TP63: variants seen among roughly 807,000 people sequenced by gnomAD.
The protein encoded by TP63 is tumor protein 63.
In TP63, 17 loss-of-function variants were observed where a neutral mutation model predicts 82.8. The ratio of observed to expected loss-of-function variants is 0.21; its 90% confidence interval spans 0.14 to 0.31. The LOEUF (loss-of-function observed/expected upper bound fraction) is 0.31, where lower values mean the gene tolerates loss of function less well. TP63 is among the 10% of genes least tolerant of loss of function. The pLI is 1.00. For synonymous variants in TP63, 330 were observed against 321.7 expected, an observed-to-expected ratio of 1.03 and a Z score of -0.28; for missense variants, 648 against 895.3, an observed-to-expected ratio of 0.72 and a Z score of 3.52.
At chr3:189,761,463 C>T (rs1222973213) in intron 3 of TP63, among the ~76,000 whole-genome samples, 2 of 152,236 alleles carry the variant, frequency 1.3e-5, no homozygotes, top group African/African-American at 4.8e-5. Flanking sequence ...CAAGAGTCAT[C>T]TTTGCTCCAA....
intron 3 of TP63, among the ~76,000 whole-genome samples, chr3:189,762,226 T>C (rs1007608660): frequency 6.6e-6 from 1 of 152,216 alleles, no homozygotes; most frequent in Non-Finnish European, 1.5e-5. Flanking sequence ...AAAGGCTGCC[T>C]GTTAGGGCCA....
At chr3:189,608,550 G>A in the TP63 span, among the ~76,000 whole-genome samples, 2 of 152,052 alleles carry the variant, frequency 1.3e-5, no homozygotes, top group Admixed American at 6.5e-5. Flanking sequence ...GCAAAAATTT[G>A]TGTAAGTTTT....
At chr3:189,646,895 A>C (rs1712464907) in intron 1 of TP63, among the ~76,000 whole-genome samples, 2 of 147,458 alleles carry the variant, frequency 1.4e-5, no homozygotes, top group Non-Finnish European at 3.0e-5. Context: ...ACACTGTTGG[A>C]AACAAAGGGA....
At chr3:189,763,994 C>T (rs1373838809) in intron 3 of TP63, among the ~76,000 whole-genome samples, 2 of 152,102 alleles carry the variant, frequency 1.3e-5, no homozygotes, top group African/African-American at 4.8e-5. Flanking sequence ...TACTCTATAA[C>T]CTGGTGCTCT....
chr3:189,840,694 C>T (rs1204599555), intron 4 of TP63, among the ~76,000 whole-genome samples: 1 of 151,540 alleles, frequency 6.6e-6, no homozygotes, highest in Non-Finnish European at 1.5e-5. Flanking sequence ...CCCGTGTCTA[C>T]TAAAAATACA....
chr3:189,656,168 G>A (rs1713340606), intron 1 of TP63, among the ~76,000 whole-genome samples: 1 of 152,136 alleles, frequency 6.6e-6, no homozygotes, highest in Non-Finnish European at 1.5e-5. Context: ...TGTATTAAAT[G>A]ATTAAAGTGT....
intron 1 of TP63, among the ~76,000 whole-genome samples, chr3:189,736,309 G>C (rs1405450847): frequency 6.6e-6 from 1 of 151,628 alleles, no homozygotes; most frequent in African/African-American, 2.4e-5. Context: ...AGCATTCTCT[G>C]CCCCAAATTT....
intron 1 of TP63, among the ~76,000 whole-genome samples, chr3:189,677,026 T>G (rs926060031): frequency 7.0e-6 from 1 of 142,650 alleles, no homozygotes; most frequent in Non-Finnish European, 1.5e-5. Flanking sequence ...TTCTGCTCTC[T>G]ATGTCCACGT....
intron 1 of TP63, among the ~76,000 whole-genome samples, chr3:189,687,723 T>C (rs1212787097): frequency 6.6e-6 from 1 of 152,216 alleles, no homozygotes; most frequent in Non-Finnish European, 1.5e-5. Context: ...CTAATTCTAA[T>C]GTACAATGGT....
chr3:189,750,680 G>A (rs1046018149), intron 3 of TP63, among the ~76,000 whole-genome samples: 1 of 152,118 alleles, frequency 6.6e-6, no homozygotes, highest in Non-Finnish European at 1.5e-5. Context: ...AAACTATAAA[G>A]CAAATAATAG....
At chr3:189,749,813 A>G (rs1454036901) in intron 3 of TP63, among the ~76,000 whole-genome samples, 1 of 152,208 alleles carries the variant, frequency 6.6e-6, no homozygotes, top group Non-Finnish European at 1.5e-5. Flanking sequence ...ACACAATGGA[A>G]TACTATTCAG....
intron 4 of TP63, among the ~76,000 whole-genome samples, chr3:189,824,420 T>C (rs999250184): frequency 6.6e-6 from 1 of 151,450 alleles, no homozygotes; most frequent in Non-Finnish European, 1.5e-5. Flanking sequence ...TTTAGTAGAG[T>C]TGGGGTTTCA....
chr3:189,692,866 A>G (rs1030324547), intron 1 of TP63, among the ~76,000 whole-genome samples: 9 of 152,182 alleles, frequency 5.9e-5, no homozygotes, highest in Admixed American at 5.2e-4. Context: ...CAGATCTAGC[A>G]TGGATTAAAT....
Position 189,896,287 on chromosome 3 carries a change from AT to A in TP63, c.*1795del, listed in dbSNP as rs370280085. 7.1e-3 allele frequency: 1,472 copies of A among 208,710 alleles called. 8 individuals are homozygous for A. The highest frequency in any genetic ancestry group is 0.011 in the African/African-American group (498 of 43,582). 12.9% of individuals were successfully genotyped at this position (208,710 alleles called of 1,614,324 possible). A position where few individuals can be genotyped will look rare whatever the true frequency, so the allele number is the denominator to read the frequency against. On this transcript the variant is annotated 3_prime_UTR_variant, in exon 14 of 14. Coordinates refer to ENST00000264731, the MANE Select transcript of TP63 (RefSeq NM_003722.5). ...AAATTGCATACTTTGTATTTTGATTATTTTTTTTTTCTTCTTGGGATAGTGG... is the reference window on the plus strand; with the variant it reads ...AAATTGCATACTTTGTATTTTGATTATTTTTTTTTCTTCTTGGGATAGTGG...
chr3:189,891,047 C>T (rs979970368), intron 13 of TP63, among the ~76,000 whole-genome samples, 165 bp downstream of exon 13: 2 of 152,204 alleles, frequency 1.3e-5, no homozygotes, highest in African/African-American at 4.8e-5. Flanking sequence ...ATTCCCAGGC[C>T]TCAACCTATA....
At chr3:189,883,896 T>C (rs1364896578) in intron 10 of TP63, among the ~76,000 whole-genome samples, 2 of 151,704 alleles carry the variant, frequency 1.3e-5, no homozygotes, top group African/African-American at 4.8e-5. Context: ...AGCAGGAGGT[T>C]GTAACAGGAA....
At position 189,895,522 on chromosome 3, in the gene TP63, A is replaced by C. The variant is rs1193413765; in HGVS notation, c.*1020A>C. ...AATTCTGATTGATTTGATTGGGATG[A>C]ATGCCATCTATCTAGTTCTAACAGT... On this transcript the variant is annotated 3_prime_UTR_variant, in exon 14 of 14. Coordinates refer to ENST00000264731, the MANE Select transcript of TP63 (RefSeq NM_003722.5). The C allele has an allele frequency of 4.5e-6, 1 of 220,586 alleles. No individual in the cohort carries two copies. The highest frequency in any genetic ancestry group is 9.1e-6 in the Non-Finnish European group (1 of 110,180). 13.7% of individuals were successfully genotyped at this position (220,586 alleles called of 1,614,324 possible). A position where few individuals can be genotyped will look rare whatever the true frequency, so the allele number is the denominator to read the frequency against.
chr3:189,724,029 GT>G (rs1719589062), intron 1 of TP63, among the ~76,000 whole-genome samples: 1 of 42,352 alleles, frequency 2.4e-5, no homozygotes, highest in African/African-American at 8.6e-5. Context: ...TTTTTTTTTT[GT>G]CTCATTGTTG....
chr3:189,823,497 G>A (rs1463062655), intron 4 of TP63, among the ~76,000 whole-genome samples: 1 of 152,212 alleles, frequency 6.6e-6, no homozygotes, highest in Non-Finnish European at 1.5e-5. Flanking sequence ...AGTCGGTGAT[G>A]TGGCTCACTC....
Sources: allele counts gnomAD v4.1 joint callset (sites outside exome capture counted in the v4.1 genomes callset), GRCh38; gene constraint gnomAD v4.1.1; transcripts MANE v1.5; gene names NCBI Gene and HGNC (gene_info 2026-07-23, HGNC 2026-07-21).